The following RNGTT variants were observed in gnomAD, a reference collection of about 807,000 sequenced individuals.
RNGTT encodes the protein mRNA-capping enzyme.
A neutral mutation model predicts 79.3 loss-of-function variants in RNGTT; 33 were observed. That is an observed-to-expected ratio of 0.42 (90% CI 0.32 to 0.56). The LOEUF (loss-of-function observed/expected upper bound fraction) is 0.56, where lower values mean the gene tolerates loss of function less well. Among genes scored for constraint, RNGTT ranks in the 20% least tolerant of loss-of-function variants. The pLI is 0.17. For missense variants in RNGTT, 497 were observed against 739.1 expected (o/e 0.67, Z 3.80); for synonymous variants, 222 against 235.9 (o/e 0.94, Z 0.54).
At chr6:88,918,185 T>C (rs1251203328) in intron 4 of RNGTT, among the ~76,000 whole-genome samples, 3 of 151,994 alleles carry the variant, frequency 2.0e-5, no homozygotes, top group Non-Finnish European at 4.4e-5. Flanking sequence ...TAGCCAGGCA[T>C]GGTGGCAAGT....
intron 13 of RNGTT, among the ~76,000 whole-genome samples, chr6:88,746,648 G>A (rs1002931989): frequency 5.9e-5 from 9 of 152,120 alleles, no homozygotes; most frequent in Admixed American, 1.3e-4. Flanking sequence ...ATCTAATACC[G>A]CCACTGATCT....
intron 11 of RNGTT, among the ~76,000 whole-genome samples, chr6:88,803,194 A>G (rs951519885): frequency 2.0e-5 from 3 of 152,164 alleles, no homozygotes; most frequent in African/African-American, 7.2e-5. Flanking sequence ...TTAAAATTTT[A>G]ATGTTCCTTT....
At chr6:88,773,431 T>A (rs1211235292) in intron 12 of RNGTT, among the ~76,000 whole-genome samples, 1 of 150,622 alleles carries the variant, frequency 6.6e-6, no homozygotes, top group African/African-American at 2.4e-5. Flanking sequence ...GTAACTAACC[T>A]GCACATTGTG....
At chr6:88,847,359 GA>G (rs532834515) in intron 10 of RNGTT, among the ~76,000 whole-genome samples, 2 of 148,854 alleles carry the variant, frequency 1.3e-5, no homozygotes, top group Non-Finnish European at 1.5e-5. Context: ...GTCAGAGGGT[GA>G]AAAAAAAAGA....
chr6:88,949,257 TC>T (rs1438332656), intron 1 of RNGTT, among the ~76,000 whole-genome samples: 1 of 136,212 alleles, frequency 7.3e-6, no homozygotes, highest in African/African-American at 2.9e-5. Context: ...AAATAATCAG[TC>T]TTTTTTTTTT....
rs567534739 is a variant in RNGTT, at chr6:88,794,948, A to G, written c.1338+6616T>C. ...ATCTCTCTTAGACTGGTGGCCTCAGAATGAGAACAGCTGCTACCAGAGAAC... is the reference window on the plus strand; with the variant it reads ...ATCTCTCTTAGACTGGTGGCCTCAGGATGAGAACAGCTGCTACCAGAGAAC... On this transcript the variant is annotated intron_variant, in intron 12 of 15. Transcript: ENST00000369485. Among the ~76,000 whole-genome samples, 4 of 152,286 alleles carry G rather than the reference A, an allele frequency of 2.6e-5. No homozygotes were observed. In the South Asian group the frequency reaches 8.3e-4, roughly 32 times the overall value.
intron 11 of RNGTT, among the ~76,000 whole-genome samples, chr6:88,818,612 G>A (rs939056902): frequency 2.0e-5 from 3 of 152,066 alleles, no homozygotes; most frequent in Non-Finnish European, 4.4e-5. Context: ...CGTCCATCAG[G>A]AACCAAATCA....
chr6:88,741,411 G>T (rs1437712523), intron 13 of RNGTT, among the ~76,000 whole-genome samples: 1 of 152,062 alleles, frequency 6.6e-6, no homozygotes, highest in Admixed American at 6.6e-5. Flanking sequence ...CATAAAGATG[G>T]TAACCATAGA....
chr6:88,949,610 G>C (rs2127963130), intron 1 of RNGTT, among the ~76,000 whole-genome samples: 1 of 152,196 alleles, frequency 6.6e-6, no homozygotes, highest in African/African-American at 2.4e-5. Flanking sequence ...TCAGTGGTCT[G>C]AATAGATCAA....
chr6:88,839,694 G>A (rs1781202037), intron 11 of RNGTT, among the ~76,000 whole-genome samples: 1 of 152,212 alleles, frequency 6.6e-6, no homozygotes, highest in Non-Finnish European at 1.5e-5. Flanking sequence ...TACTGAGAAG[G>A]TGATAAATGG....
At chr6:88,778,513 G>C (rs1432414281) in intron 12 of RNGTT, among the ~76,000 whole-genome samples, 1 of 152,070 alleles carries the variant, frequency 6.6e-6, no homozygotes, top group Non-Finnish European at 1.5e-5. Context: ...ATGGAGTCTT[G>C]CTATCTTGCC....
chr6:88,847,110 T>A (rs1170563731), intron 10 of RNGTT, among the ~76,000 whole-genome samples: 1 of 152,154 alleles, frequency 6.6e-6, no homozygotes, highest in African/African-American at 2.4e-5. Context: ...CTGTAAAATA[T>A]TACAAAATGT....
At chr6:88,621,870 A>C (rs571113334) in intron 14 of RNGTT, among the ~76,000 whole-genome samples, 126 of 152,226 alleles carry the variant, frequency 8.3e-4, no homozygotes, top group African/African-American at 3.0e-3. Flanking sequence ...TGGCATGATA[A>C]TAAAGTTCCC....
At position 88,651,604 on chromosome 6, in the gene RNGTT, CAAAG is replaced by C. The variant is rs527302920; in HGVS notation, c.1506+26745_1506+26748del. Among the ~76,000 whole-genome samples the C allele has an allele frequency of 1.9e-3, 287 of 151,122 alleles. 3 individuals carry two copies. The highest frequency in any genetic ancestry group is 6.8e-3 in the African/African-American group (281 of 41,298). On this transcript the variant is annotated intron_variant, in intron 14 of 15. Coordinates refer to ENST00000369485, the MANE Select transcript of RNGTT (RefSeq NM_003800.5). ...TCATATTAAAGTTATAAAATGCTGACAAAGAAAAAAAGGATCAGATTTCCAAAAA... is the reference window on the plus strand; with the variant it reads ...TCATATTAAAGTTATAAAATGCTGACAAAAAAAGGATCAGATTTCCAAAAA...
chr6:88,728,037 T>C (rs1288201491), intron 13 of RNGTT, among the ~76,000 whole-genome samples: 1 of 152,062 alleles, frequency 6.6e-6, no homozygotes, highest in Non-Finnish European at 1.5e-5. Context: ...GGAAAGGGGA[T>C]GGACTCATCA....
chr6:88,769,908 A>G, intron 12 of RNGTT, 34 bp from the exon 13 acceptor site: 1 of 1,434,858 alleles, frequency 7.0e-7, no homozygotes, highest in Non-Finnish European at 9.7e-7. Context: ...AATCGTTACT[A>G]AGAAGTTAAA....
intron 12 of RNGTT, among the ~76,000 whole-genome samples, chr6:88,783,384 C>T (rs1013373142): frequency 4.0e-5 from 6 of 151,856 alleles, no homozygotes; most frequent in Admixed American, 3.9e-4. Flanking sequence ...TGCCTGGAAA[C>T]GGAAGGAACT....
At chr6:88,760,249 T>G (rs1224206891) in intron 13 of RNGTT, among the ~76,000 whole-genome samples, 1 of 152,152 alleles carries the variant, frequency 6.6e-6, no homozygotes, top group Non-Finnish European at 1.5e-5. Context: ...GTAAGCGGCC[T>G]GGGAAAGATT....
intron 13 of RNGTT, among the ~76,000 whole-genome samples, chr6:88,685,675 T>C (rs1562194018): frequency 6.6e-6 from 1 of 151,922 alleles, no homozygotes; most frequent in Non-Finnish European, 1.5e-5. Flanking sequence ...TGTAACTACC[T>C]GAGAAACAGG....
Sources: gnomAD v4.1 joint callset for allele counts (sites outside exome capture counted in the v4.1 genomes callset) on GRCh38, gnomAD v4.1.1 for gene constraint, MANE v1.5 for transcripts, NCBI Gene and HGNC (gene_info 2026-07-23, HGNC 2026-07-21) for gene names.